Variants in CDKL1 observed in about 807,000 individuals in gnomAD.
CDKL1 encodes the protein cyclin-dependent kinase-like 1.
In CDKL1, 41 loss-of-function variants were observed where a neutral mutation model predicts 42.0. That is an observed-to-expected ratio of 0.98 (90% confidence interval 0.76 to 1.27). CDKL1 has a LOEUF of 1.27. CDKL1 is among the 50% of genes most tolerant of loss of function. The probability of loss-of-function intolerance (pLI) is 0.00; values close to 1 mark genes in which losing one functional copy is unlikely to be tolerated. For missense variants in CDKL1, 394 were observed against 428.4 expected (o/e 0.92, Z 0.71); for synonymous variants, 153 against 158.6 (o/e 0.96, Z 0.26).
chr14:50,358,301 A>ATTCT (rs1209130353), intron 3 of CDKL1, among the ~76,000 whole-genome samples: 8 of 152,192 alleles, frequency 5.3e-5, no homozygotes, highest in East Asian at 1.9e-4. Context: ...AGCAGAGTAG[A>ATTCT]CACCCGGATT....
At chr14:50,386,103 A>G (rs2035073672) in intron 2 of CDKL1, among the ~76,000 whole-genome samples, 1 of 152,060 alleles carries the variant, frequency 6.6e-6, no homozygotes, top group Admixed American at 6.6e-5. Context: ...TGTGTGAGAG[A>G]GGGGGAAAGA....
chr14:50,331,708 G>C (rs2032951649), intron 9 of CDKL1: 1 of 301,156 alleles, frequency 3.3e-6, no homozygotes, highest in Admixed American at 4.6e-5. Context: ...CTTAATGTAA[G>C]GCCATTTTAT....
chr14:50,378,855 T>A (rs77906390), intron 2 of CDKL1, among the ~76,000 whole-genome samples: 1 of 131,996 alleles, frequency 7.6e-6, no homozygotes, highest in Non-Finnish European at 1.7e-5. Context: ...CAAGACAATC[T>A]TTTTTTTTTT....
intron 2 of CDKL1, among the ~76,000 whole-genome samples, chr14:50,382,243 G>A (rs1337358812): frequency 1.3e-5 from 2 of 152,084 alleles, no homozygotes; most frequent in Admixed American, 6.6e-5. Flanking sequence ...ACGAGGTCAC[G>A]AGATCGAGAC....
At chr14:50,343,155 C>CTTTTT (rs3049935) in intron 4 of CDKL1, 9,103 of 290,492 alleles carry the variant, frequency 0.031, 59 homozygotes, top group South Asian at 0.036. Flanking sequence ...TTAAGAGTTA[C>CTTTTT]TTTTTTTTTT....
chr14:50,334,603 AT>A lies in CDKL1; in HGVS notation c.756del (p.Lys252AsnfsTer13). 6.2e-7 allele frequency: 1 copy of A among 1,602,286 alleles called. No individual in the cohort carries two copies. On this transcript the variant is annotated frameshift_variant, in exon 8 of 10. Coordinates refer to ENST00000395834, the MANE Select transcript of CDKL1 (RefSeq NM_004196.7). LOFTEE classifies it high-confidence loss of function. ...AGGGCAGGATAAGAGATGTTTGGGA[AT>A]TTTAATTCAAGTGGTTCCTGTTGAA... ...DPEDMEPLEL[K>X]FPNISYPALG... is the part of the protein sequence containing the mutation.
rs2035243495 is a variant in CDKL1 at position 50,391,068 on chromosome 14, C to CGA, written c.168+4631_168+4632dup. Reference sequence around the variant, plus strand: ...CCTGCTGGTCTTGAACTCATGGGCTCGAGAGATCAGCACGTTGGCCTCCCA... The same window carrying CGA: ...CCTGCTGGTCTTGAACTCATGGGCTCGAGAGAGATCAGCACGTTGGCCTCCCA... On this transcript the variant is annotated intron_variant, in intron 2 of 9. Transcript: ENST00000395834. Among the ~76,000 whole-genome samples the CGA allele has an allele frequency of 2.0e-5, 3 of 152,166 alleles. No individual in the cohort carries two copies. The South Asian group carries it at 6.2e-4, about 32-fold the overall frequency.
upstream of CDKL1, chr14:50,397,055 G>C: frequency 7.6e-7 from 1 of 1,321,964 alleles, no homozygotes. Flanking sequence ...GAGCTGTCCT[G>C]ACCGCGGGCC....
At chr14:50,387,232 G>C (rs2035111530) in intron 2 of CDKL1, among the ~76,000 whole-genome samples, 1 of 149,302 alleles carries the variant, frequency 6.7e-6, no homozygotes, top group African/African-American at 2.5e-5. Context: ...ATGGGGGTGG[G>C]GGTGGTGGGC....
chr14:50,326,353 C>G lies in CDKL1; in HGVS notation c.*3721G>C. 1 of 839,022 alleles carries G rather than the reference C, an allele frequency of 1.2e-6. No individual in the cohort carries two copies. The highest frequency in any genetic ancestry group is 1.4e-6 in the Non-Finnish European group (1 of 696,886). 52.0% of individuals were successfully genotyped at this position (839,022 alleles called of 1,614,324 possible). ...GAATCCTTTAAAGTTATTTGTACAACAGATGTTTTTATTATAACAGTAATT... is the reference window on the plus strand; with the variant it reads ...GAATCCTTTAAAGTTATTTGTACAAGAGATGTTTTTATTATAACAGTAATT... On this transcript the variant is annotated 3_prime_UTR_variant, in exon 10 of 10. Transcript: ENST00000395834.
chr14:50,334,636 A>C lies in CDKL1; in HGVS notation c.739-15T>G. The C allele has an allele frequency of 2.0e-6, 3 of 1,521,246 alleles. No homozygotes were observed. Among genetic ancestry groups the C allele is most frequent in the Non-Finnish European group, 2.7e-6 (3 of 1,095,468 alleles). The allele number at this position is 1,521,246 out of a possible 1,614,324, so 94.2% of individuals were successfully genotyped here. ...TCAAGTGGTTCCTGTTGAAAAGAAAAGAGGTTTTTAATTTACAGCATGTAT... is the reference window on the plus strand; with the variant it reads ...TCAAGTGGTTCCTGTTGAAAAGAAACGAGGTTTTTAATTTACAGCATGTAT... On this transcript the variant is annotated splice_polypyrimidine_tract_variant and intron_variant, in intron 7 of 9. Transcript: ENST00000395834.
At chr14:50,382,873 G>A (rs1011015418) in intron 2 of CDKL1, among the ~76,000 whole-genome samples, 6 of 152,022 alleles carry the variant, frequency 3.9e-5, no homozygotes, top group Admixed American at 3.9e-4. Context: ...GATTACAGGC[G>A]TAAGCCACCA....
chr14:50,332,124 C>G (rs1219040266), intron 9 of CDKL1, 138 bp downstream of exon 9: 17 of 1,607,906 alleles, frequency 1.1e-5, no homozygotes, highest in Non-Finnish European at 1.4e-5. Context: ...CCCTGGGGCC[C>G]TGGTTGATAG....
chr14:50,367,530 T>C (rs2034466529), intron 2 of CDKL1, among the ~76,000 whole-genome samples: 1 of 152,218 alleles, frequency 6.6e-6, no homozygotes, highest in Non-Finnish European at 1.5e-5. Flanking sequence ...CAATGCTGAA[T>C]GGAGTTCTTT....
Position 50,387,387 on chromosome 14 carries a change from G to A in CDKL1, c.168+8314C>T, listed in dbSNP as rs563960807. 2.6e-3 allele frequency among the ~76,000 whole-genome samples: 392 copies of A among 152,054 alleles called. 9 individuals carry two copies. The highest frequency in any genetic ancestry group is 2.9e-3 in the Non-Finnish European group (196 of 67,966). Reference sequence around the variant, plus strand: ...AAATACAAGAAATTAGTTAGGCATGGTAGTGGGCACCTGTAATCCCAGCTA... The same window carrying A: ...AAATACAAGAAATTAGTTAGGCATGATAGTGGGCACCTGTAATCCCAGCTA... On this transcript the variant is annotated intron_variant, in intron 2 of 9. Coordinates refer to ENST00000395834, the MANE Select transcript of CDKL1 (RefSeq NM_004196.7).
chr14:50,384,094 T>C (rs1333253735), intron 2 of CDKL1, among the ~76,000 whole-genome samples: 1 of 152,180 alleles, frequency 6.6e-6, no homozygotes, highest in Non-Finnish European at 1.5e-5. Flanking sequence ...AAGAGGATTG[T>C]TTGGTTTCTA....
chr14:50,397,107 C>G (rs1445133085), upstream of CDKL1: 2 of 1,361,652 alleles, frequency 1.5e-6, no homozygotes, highest in Admixed American at 3.9e-5. Flanking sequence ...GATTTGCAAA[C>G]TTCCGCAGGC....
At position 50,377,666 on chromosome 14, in the gene CDKL1, G is replaced by A. The variant is rs772310410; in HGVS notation, c.168+18035C>T. 4.4e-5 allele frequency: 59 copies of A among 1,349,980 alleles called. No individual in the cohort carries two copies. In the South Asian group the frequency reaches 6.6e-4, roughly 15 times the overall value. 83.6% of individuals were successfully genotyped at this position (1,349,980 alleles called of 1,614,324 possible). On this transcript the variant is annotated intron_variant, in intron 2 of 9. Coordinates refer to ENST00000395834, the MANE Select transcript of CDKL1 (RefSeq NM_004196.7). ...GGTGGGAGGAGCCCAGGGAGGTGTA[G>A]CAACACAGTCACTAAGCCTTTTGTC...
chr14:50,331,787 G>T (rs11570880), intron 9 of CDKL1: 433 of 527,096 alleles, frequency 8.2e-4, no homozygotes, highest in Admixed American at 1.1e-3. Context: ...AATGTATTCA[G>T]CTGATACCAC....
Sources: gnomAD v4.1 joint callset for allele counts (sites outside exome capture counted in the v4.1 genomes callset) on GRCh38, gnomAD v4.1.1 for gene constraint, MANE v1.5 for transcripts, NCBI Gene and HGNC (gene_info 2026-07-23, HGNC 2026-07-21) for gene names.